PDGFRB: variants seen among roughly 807,000 people sequenced by gnomAD.
PDGFRB encodes platelet derived growth factor receptor beta.
A neutral mutation model predicts 120.2 loss-of-function variants in PDGFRB; 42 were observed. The ratio of observed to expected loss-of-function variants is 0.35; its 90% confidence interval spans 0.27 to 0.45. The LOEUF (loss-of-function observed/expected upper bound fraction) is 0.45, where lower values mean the gene tolerates loss of function less well. Ranked by LOEUF, PDGFRB falls within the 20% of genes least tolerant of loss-of-function variation. The pLI, the probability that PDGFRB is intolerant of heterozygous loss-of-function variation, is 1.00. For missense variants in PDGFRB, 1,149 were observed against 1,476.3 expected (o/e 0.78, Z 3.63); for synonymous variants, 586 against 606.8 (o/e 0.97, Z 0.50).
At chr5:150,124,563 C>G (rs868458398) in intron 13 of PDGFRB, 164 bp downstream of exon 13, 11 of 618,718 alleles carry the variant, frequency 1.8e-5, no homozygotes, top group Middle Eastern at 3.5e-4. Context: ...GAGGAACGCT[C>G]TTTCCCAAAC....
intron 2 of PDGFRB, 77 bp downstream of exon 2, chr5:150,136,931 C>A (rs2113914344): frequency 9.0e-7 from 1 of 1,115,974 alleles, no homozygotes. Flanking sequence ...CTGCCACCAG[C>A]ACACATCACC....
rs2113889344 is a variant in PDGFRB at position 150,121,175 on chromosome 5, C to T, written c.2463+29G>A. 1 of 1,327,438 alleles carries T rather than the reference C, an allele frequency of 7.5e-7. No homozygotes were observed. The highest frequency in any genetic ancestry group is 1.1e-6 in the Non-Finnish European group (1 of 918,100). The allele number at this position is 1,327,438 out of a possible 1,614,324, so 82.2% of individuals were successfully genotyped here. On this transcript the variant is annotated intron_variant, in intron 17 of 22. Transcript: ENST00000261799. The surrounding 1 kb of genome is among the most constrained non-coding windows in gnomAD (Gnocchi z 4.1). ...TGGGTGACCCACCTCCCCACAGCCC[C>T]CACTCTGCCCCACCAACACCACACG...
Position 150,133,983 on chromosome 5 carries a change from G to C in PDGFRB, c.657C>G (p.Asn219Lys), listed in dbSNP as rs745467275. The part of the protein sequence containing the change: ...LQVSSINVSV[N>K]AVQTVVRQGE... ...CCTGGCGGACCACAGTCTGCACTGC[G>C]TTCACAGAGACGTTGATGGATGACA... The change falls in exon 5 of 23, where the codon AAC (asparagine) becomes AAG (lysine). Residue 219 changes from asparagine to lysine, a missense_variant. By Grantham distance (94) the Asn-to-Lys change is moderately conservative (BLOSUM62 0). Transcript: ENST00000261799. 6.2e-7 allele frequency: 1 copy of C among 1,613,980 alleles called. No homozygotes were observed.
At chr5:150,141,092 C>T (rs1760771841) in intron 1 of PDGFRB, among the ~76,000 whole-genome samples, 1 of 152,216 alleles carries the variant, frequency 6.6e-6, no homozygotes, top group Non-Finnish European at 1.5e-5. Context: ...CTTCCTCGCA[C>T]ACTCCTCTGA....
chr5:150,151,586 C>A (rs1220777813), intron 1 of PDGFRB, among the ~76,000 whole-genome samples: 3 of 152,086 alleles, frequency 2.0e-5, no homozygotes, highest in African/African-American at 7.2e-5. Context: ...TAGCTGGGTG[C>A]GGTGGCTCAC....
Position 150,134,985 on chromosome 5 carries a change from G to A in PDGFRB, c.396C>T (p.Ala132=), listed in dbSNP as rs751600349. The A allele has an allele frequency of 3.9e-5, 62 of 1,607,878 alleles. No individual in the cohort carries two copies. In the Admixed American group the frequency reaches 5.7e-4, roughly 15 times the overall value. ...DPTVGFLPND[A]EELFIFLTEI... ...CCGTGAGAAAGATGAATAGTTCCTC[G>A]GCATCATTAGGGAGGAAGCCCACGG... The change falls in exon 4 of 23, where the codon GCC becomes GCT. Residue 132 remains alanine (A), a synonymous_variant. Transcript: ENST00000261799.
In PDGFRB at chr5:150,115,663, G is replaced by A. The variant is rs892694293; in HGVS notation, c.*100C>T. 3.2e-5 allele frequency: 37 copies of A among 1,165,502 alleles called. No homozygotes were observed. The highest frequency in any genetic ancestry group is 4.3e-5 in the Non-Finnish European group (36 of 846,328). 72.2% of individuals were successfully genotyped at this position (1,165,502 alleles called of 1,614,324 possible). ...GCTTCCAGAAGGGGACAGCTGATAA[G>A]GGCAGCCTGGCTGACAGGAAGCCCG... On this transcript the variant is annotated 3_prime_UTR_variant, in exon 23 of 23. Coordinates refer to ENST00000261799, the MANE Select transcript of PDGFRB (RefSeq NM_002609.4).
intron 14 of PDGFRB, 147 bp downstream of exon 14, chr5:150,124,103 G>C (rs572712394): frequency 4.0e-6 from 2 of 494,350 alleles, no homozygotes; most frequent in African/African-American, 3.9e-5. Context: ...CGCCCTCTGG[G>C]ACCGCGCAGT....
At chr5:150,126,338 T>G (rs1760291732) in intron 11 of PDGFRB, among the ~76,000 whole-genome samples, 182 bp downstream of exon 11, 1 of 152,108 alleles carries the variant, frequency 6.6e-6, no homozygotes, top group Non-Finnish European at 1.5e-5. Context: ...CAGGCTCAGG[T>G]TGGCCCAGAC....
At chr5:150,124,201 TTGG>T (rs2113894505) in intron 14 of PDGFRB, 46 bp downstream of exon 14, 1 of 1,315,078 alleles carries the variant, frequency 7.6e-7, no homozygotes, top group East Asian at 2.3e-5. Context: ...GGGCCTGGCC[TTGG>T]TGGTGGGCAC....
rs139342112 is a variant in PDGFRB, at chr5:150,126,659, A to G, written c.1580-45T>C. On this transcript the variant is annotated intron_variant, in intron 10 of 22. Transcript: ENST00000261799. ...CAGGCCATGAGCAAACTGGGCAGCTACCCTCCCCTCACCCCATCTTTGGCA... is the reference window on the plus strand; with the variant it reads ...CAGGCCATGAGCAAACTGGGCAGCTGCCCTCCCCTCACCCCATCTTTGGCA... 2,873 of 993,412 alleles carry G rather than the reference A, an allele frequency of 2.9e-3. 57 individuals are homozygous for G. The African/African-American group carries it at 0.039, about 14-fold the overall frequency. The allele number at this position is 993,412 out of a possible 1,614,324, so 61.5% of individuals were successfully genotyped here. A position where few individuals can be genotyped will look rare whatever the true frequency, so the allele number is the denominator to read the frequency against.
rs752112785 is a variant in PDGFRB, at chr5:150,120,166, T to TCAG, written c.2587-46_2587-44dup. On this transcript the variant is annotated intron_variant, in intron 18 of 22. Coordinates refer to ENST00000261799, the MANE Select transcript of PDGFRB (RefSeq NM_002609.4). The surrounding 1 kb of genome is among the most constrained non-coding windows in gnomAD (Gnocchi z 4.3). ...CAGGTGCTGAGTGCAAGGAAGGACC[T>TCAG]CAGCCCCACTCTGCACCTGGGATGG... 1.4e-5 allele frequency: 12 copies of TCAG among 850,062 alleles called. No homozygotes were observed. The highest frequency in any genetic ancestry group is 2.5e-5 in the Non-Finnish European group (12 of 483,318). 52.7% of individuals were successfully genotyped at this position (850,062 alleles called of 1,614,324 possible).
Position 150,132,127 on chromosome 5 carries a change from G to T in PDGFRB, c.1128-33C>A. 1 of 1,161,280 alleles carries T rather than the reference G, an allele frequency of 8.6e-7. No individual in the cohort carries two copies. Among genetic ancestry groups the T allele is most frequent in the African/African-American group, 1.5e-5 (1 of 66,422 alleles). 71.9% of individuals were successfully genotyped at this position (1,161,280 alleles called of 1,614,324 possible). ...GCAGGAAAGGCAGCTGTCAGAGTCG[G>T]AAGGACTCTTACAGTTCTCCCCACC... On this transcript the variant is annotated intron_variant, in intron 7 of 22. Coordinates refer to ENST00000261799, the MANE Select transcript of PDGFRB (RefSeq NM_002609.4). This position sits in a 1 kb window ranked among gnomAD's most constrained non-coding sequence, Gnocchi z 5.0.
chr5:150,147,910 A>G (rs1028140135), intron 1 of PDGFRB, among the ~76,000 whole-genome samples: 1 of 152,148 alleles, frequency 6.6e-6, no homozygotes, highest in Admixed American at 6.5e-5. Context: ...TCATTCACTC[A>G]AGGGAGAAGA....
At position 150,133,916 on chromosome 5, in the gene PDGFRB, C is replaced by T; in HGVS notation, c.724G>A (p.Val242Met). The T allele has an allele frequency of 6.2e-7, 1 of 1,614,124 alleles. No homozygotes were observed. The highest frequency in any genetic ancestry group is 8.5e-7 in the Non-Finnish European group (1 of 1,179,984). ...TLMCIVIGNE[V>M]VNFEWTYPRK... ...GGGTATGTCCACTCGAAGTTGACCA[C>T]CTCATTCCCGATCACAATGCACATG... The change falls in exon 5 of 23, where the codon GTG becomes ATG. Residue 242 changes from valine to methionine, a missense_variant. Transcript: ENST00000261799.
Position 150,130,679 on chromosome 5 carries a change from C to T in PDGFRB, c.1244-17G>A. The T allele has an allele frequency of 1.2e-6, 2 of 1,612,320 alleles. No homozygotes were observed. The highest frequency in any genetic ancestry group is 1.7e-6 in the Non-Finnish European group (2 of 1,179,630). ...GGACAGGGACTGCATGGAGAGAGCA[C>T]TGAGTTAGGAGGCGGGAGGGTCAGG... On this transcript the variant is annotated splice_polypyrimidine_tract_variant and intron_variant, in intron 8 of 22. Transcript: ENST00000261799.
intron 6 of PDGFRB, 82 bp from the exon 7 acceptor site, chr5:150,133,024 G>A (rs1292184801): frequency 1.0e-6 from 1 of 983,688 alleles, no homozygotes; most frequent in Admixed American, 2.3e-5. Context: ...TGTGGGGTGG[G>A]GCTTCAGGCC....
In PDGFRB at chr5:150,132,583, CT is replaced by C. The variant is rs1760496809; in HGVS notation, c.1127+166del. On this transcript the variant is annotated intron_variant, in intron 7 of 22. Coordinates refer to ENST00000261799, the MANE Select transcript of PDGFRB (RefSeq NM_002609.4). This position sits in a 1 kb window ranked among gnomAD's most constrained non-coding sequence, Gnocchi z 5.0. ...TGTTTCCTCCACTAGACTAGAAACTCTAGGAGGGATGAACTGTCAGCTCTGG... is the reference window on the plus strand; with the variant it reads ...TGTTTCCTCCACTAGACTAGAAACTCAGGAGGGATGAACTGTCAGCTCTGG... Among the ~76,000 whole-genome samples, 1 of 152,238 alleles carries C rather than the reference CT, an allele frequency of 6.6e-6. No homozygotes were observed. The highest frequency in any genetic ancestry group is 2.4e-5 in the African/African-American group (1 of 41,456).
At chr5:150,142,216 T>A (rs1429238969) in intron 1 of PDGFRB, among the ~76,000 whole-genome samples, 1 of 152,140 alleles carries the variant, frequency 6.6e-6, no homozygotes, top group East Asian at 1.9e-4. Flanking sequence ...CTAGACAAGA[T>A]GGGCTCGGGT....
Sources: gnomAD v4.1 joint callset for allele counts (sites outside exome capture counted in the v4.1 genomes callset) on GRCh38, gnomAD v4.1.1 for gene constraint, Gnocchi (gnomAD v3.1) non-coding constraint, MANE v1.5 for transcripts, NCBI Gene and HGNC (gene_info 2026-07-23, HGNC 2026-07-21) for gene names.